KLRG2: variants seen among roughly 807,000 people sequenced by gnomAD.
KLRG2 encodes killer cell lectin like receptor G2.
In KLRG2, 39 loss-of-function variants were observed where a neutral mutation model predicts 35.4. The observed-to-expected ratio is 1.10, with a 90% CI of 0.85 to 1.44. KLRG2 has a LOEUF of 1.44. Ranked by LOEUF, KLRG2 falls within the 40% of genes most tolerant of loss-of-function variation. The pLI is 0.00. For synonymous variants in KLRG2, 283 were observed against 265.8 expected, an observed-to-expected ratio of 1.06 and a Z score of -0.63; for missense variants, 632 against 570.9, an observed-to-expected ratio of 1.11 and a Z score of -1.09.
At chr7:139,454,980 GAATT>G (rs1423337917) in intron 3 of KLRG2, among the ~76,000 whole-genome samples, 1 of 151,114 alleles carries the variant, frequency 6.6e-6, no homozygotes, top group Non-Finnish European at 1.5e-5. Context: ...TTTTAACAAT[GAATT>G]AAAGCAAAAA....
At chr7:139,442,386 G>A in the KLRG2 span, among the ~76,000 whole-genome samples, 2 of 152,316 alleles carry the variant, frequency 1.3e-5, no homozygotes, top group Non-Finnish European at 2.9e-5. Context: ...TTCAACTCCT[G>A]ACATCTGGTG....
the KLRG2 span, among the ~76,000 whole-genome samples, chr7:139,428,058 G>T: frequency 6.6e-6 from 1 of 152,136 alleles, no homozygotes; most frequent in East Asian, 1.9e-4. Context: ...GCTGGGAGTG[G>T]CAAGAAGGGA....
chr7:139,477,977 C>T (rs566130116), intron 3 of KLRG2, among the ~76,000 whole-genome samples: 1 of 151,794 alleles, frequency 6.6e-6, no homozygotes, highest in Non-Finnish European at 1.5e-5. Context: ...CCAAGATGGT[C>T]TCGATCTCCT....
At chr7:139,459,170 T>A (rs369898063) in intron 3 of KLRG2, among the ~76,000 whole-genome samples, 50 of 152,356 alleles carry the variant, frequency 3.3e-4, no homozygotes, top group African/African-American at 1.1e-3. Context: ...TATCTCAGGT[T>A]CTGTTTCCAA....
At chr7:139,444,308 A>G in the KLRG2 span, among the ~76,000 whole-genome samples, 2 of 152,078 alleles carry the variant, frequency 1.3e-5, no homozygotes, top group Non-Finnish European at 2.9e-5. Flanking sequence ...AATATTAACT[A>G]TAGCTGGGAT....
At chr7:139,432,548 C>CT in the KLRG2 span, among the ~76,000 whole-genome samples, 14 of 148,796 alleles carry the variant, frequency 9.4e-5, no homozygotes, top group African/African-American at 2.5e-4. Context: ...TGCAGGACCC[C>CT]CCCCCCCCAA....
intron 3 of KLRG2, among the ~76,000 whole-genome samples, chr7:139,473,453 A>T (rs1796795689): frequency 6.6e-6 from 1 of 152,146 alleles, no homozygotes; most frequent in Admixed American, 6.6e-5. Context: ...CCTGCCTCTA[A>T]AAAAGCTCAG....
At chr7:139,458,181 C>T (rs1338598264) in intron 3 of KLRG2, among the ~76,000 whole-genome samples, 4 of 151,966 alleles carry the variant, frequency 2.6e-5, no homozygotes. Context: ...AGTTTGAGAC[C>T]AGCCTGGGTA....
chr7:139,451,602 G>A (rs1415222213), downstream of KLRG2, among the ~76,000 whole-genome samples: 1 of 152,068 alleles, frequency 6.6e-6, no homozygotes, highest in South Asian at 2.1e-4. Flanking sequence ...CACTCCACCT[G>A]ATGGCTTCCC....
At chr7:139,464,834 C>T (rs1796623440) in intron 3 of KLRG2, among the ~76,000 whole-genome samples, 2 of 152,352 alleles carry the variant, frequency 1.3e-5, no homozygotes, top group South Asian at 4.1e-4. Flanking sequence ...ATGCTCAACT[C>T]ACTCTCTACA....
intron 2 of KLRG2, 47 bp downstream of exon 2, chr7:139,480,099 T>C (rs749326758): frequency 6.4e-6 from 8 of 1,245,284 alleles, no homozygotes; most frequent in East Asian, 2.3e-5. Flanking sequence ...ACAGCCCCAG[T>C]AGTGGAGCGG....
chr7:139,474,014 CTT>C (rs751172556), intron 3 of KLRG2, among the ~76,000 whole-genome samples: 19 of 129,906 alleles, frequency 1.5e-4, no homozygotes, highest in East Asian at 2.2e-4. Context: ...GTGGCTCAGA[CTT>C]TTTTTTTTTT....
At chr7:139,478,768 A>G (rs980768972) in intron 3 of KLRG2, among the ~76,000 whole-genome samples, 1 of 152,172 alleles carries the variant, frequency 6.6e-6, no homozygotes, top group African/African-American at 2.4e-5. Flanking sequence ...CTGGATTACT[A>G]TTCAGCAAAC....
chr7:139,464,237 C>T (rs778945393), intron 3 of KLRG2, among the ~76,000 whole-genome samples: 3 of 152,172 alleles, frequency 2.0e-5, no homozygotes, highest in Non-Finnish European at 4.4e-5. Context: ...CCCTTACCAT[C>T]CCATTAAAAC....
At chr7:139,441,917 C>G in the KLRG2 span, among the ~76,000 whole-genome samples, 1 of 152,148 alleles carries the variant, frequency 6.6e-6, no homozygotes, top group Admixed American at 6.5e-5. Context: ...CTCTCCAAAT[C>G]TACCCCAAAG....
downstream of KLRG2, among the ~76,000 whole-genome samples, chr7:139,449,510 T>C (rs956731509): frequency 1.3e-5 from 2 of 152,180 alleles, no homozygotes; most frequent in African/African-American, 2.4e-5. Context: ...TTGGAGACTT[T>C]ATAAACACTG....
At chr7:139,444,638 C>T in the KLRG2 span, among the ~76,000 whole-genome samples, 1 of 152,192 alleles carries the variant, frequency 6.6e-6, no homozygotes, top group African/African-American at 2.4e-5. Context: ...ACCATGTGGA[C>T]CCCCTGATCT....
chr7:139,459,067 G>A (rs1796525346), intron 3 of KLRG2, among the ~76,000 whole-genome samples: 1 of 152,212 alleles, frequency 6.6e-6, no homozygotes, highest in African/African-American at 2.4e-5. Context: ...TCTTTTTGCA[G>A]GGAAGGGGTT....
At position 139,454,228 on chromosome 7, in the gene KLRG2, G is replaced by A; in HGVS notation, c.1006-14C>T. On this transcript the variant is annotated splice_polypyrimidine_tract_variant and intron_variant, in intron 3 of 4. Transcript: ENST00000340940. ...GCCCAGGAAGTCCTGAGGGAGAAAA[G>A]TAAGCTGGTCACTCCCCTGGACACT... is the stretch of plus-strand genomic sequence containing the variant. 1.5e-6 allele frequency: 2 copies of A among 1,322,530 alleles called. No homozygotes were observed. The highest frequency in any genetic ancestry group is 2.1e-6 in the Non-Finnish European group (2 of 940,486). 81.9% of individuals were successfully genotyped at this position (1,322,530 alleles called of 1,614,324 possible).
Sources: gnomAD v4.1 joint callset for allele counts (sites outside exome capture counted in the v4.1 genomes callset) on GRCh38, gnomAD v4.1.1 for gene constraint, MANE v1.5 for transcripts, NCBI Gene and HGNC (gene_info 2026-07-23, HGNC 2026-07-21) for gene names.